The following CCDC201 variants were observed in gnomAD, a reference collection of about 807,000 sequenced individuals.
CCDC201 encodes the protein coiled-coil domain containing 201.
chr7:45,866,590 A>C (rs943645518), intron 1 of CCDC201, 96 bp from the exon 2 acceptor site: 3 of 152,216 alleles, frequency 2.0e-5, no homozygotes, highest in African/African-American at 7.2e-5. Flanking sequence ...TTATTTAAGC[A>C]TGATGGCCCC....
At chr7:45,883,597 G>A in the CCDC201 span, among the ~76,000 whole-genome samples, 5 of 152,290 alleles carry the variant, frequency 3.3e-5, no homozygotes, top group South Asian at 1.0e-3. Flanking sequence ...GCTCCAGGGA[G>A]TCCGAGGGGC....
chr7:45,866,101 C>T (rs1021193765), exon 2 of CCDC201: 1 of 184,864 alleles, frequency 5.4e-6, no homozygotes, highest in Non-Finnish European at 1.1e-5. Context: ...CCAGGCAATC[C>T]AGGGTTTTGT....
At chr7:45,868,340 G>A (rs74516857) in intron 1 of CCDC201, among the ~76,000 whole-genome samples, 8,391 of 152,220 alleles carry the variant, frequency 0.055, 329 homozygotes, top group East Asian at 0.19. Flanking sequence ...CAGCATGGAG[G>A]CTGCAATGTC....
chr7:45,878,498 A>G, the CCDC201 span, among the ~76,000 whole-genome samples: 1 of 152,224 alleles, frequency 6.6e-6, no homozygotes, highest in African/African-American at 2.4e-5. Flanking sequence ...GCCTCTGTGC[A>G]CACACAGGCC....
intron 1 of CCDC201, among the ~76,000 whole-genome samples, chr7:45,869,097 G>C (rs1786713322): frequency 6.6e-6 from 1 of 152,116 alleles, no homozygotes. Flanking sequence ...AACAAAACAT[G>C]CACAATAGAA....
chr7:45,874,041 T>C (rs1256643798), upstream of CCDC201, among the ~76,000 whole-genome samples: 2 of 150,336 alleles, frequency 1.3e-5, no homozygotes, highest in African/African-American at 4.9e-5. Flanking sequence ...TGCTTCTGCC[T>C]CCCAAGTAGC....
At chr7:45,871,169 T>C (rs1786739417) in intron 1 of CCDC201, among the ~76,000 whole-genome samples, 1 of 152,176 alleles carries the variant, frequency 6.6e-6, no homozygotes, top group African/African-American at 2.4e-5. Flanking sequence ...GACCCAGACA[T>C]GCATAGGAGG....
intron 2 of CCDC201, among the ~76,000 whole-genome samples, chr7:45,864,420 C>G (rs921596493): frequency 6.6e-6 from 1 of 152,200 alleles, no homozygotes; most frequent in Non-Finnish European, 1.5e-5. Flanking sequence ...CTCTCCTGGC[C>G]GCAGGTGGGA....
chr7:45,881,589 GA>G, the CCDC201 span, among the ~76,000 whole-genome samples: 1 of 152,288 alleles, frequency 6.6e-6, no homozygotes, highest in South Asian at 2.1e-4. Flanking sequence ...CCCTTTACCA[GA>G]GGTGAGAAAT....
chr7:45,877,979 G>A (rs2116532607), upstream of CCDC201, among the ~76,000 whole-genome samples: 1 of 152,280 alleles, frequency 6.6e-6, no homozygotes, highest in Non-Finnish European at 1.5e-5. Context: ...TACAATGGGG[G>A]TACAGGCATT....
chr7:45,865,089 G>T (rs1786654178), intron 2 of CCDC201, among the ~76,000 whole-genome samples: 1 of 151,966 alleles, frequency 6.6e-6, no homozygotes, highest in South Asian at 2.1e-4. Flanking sequence ...CTGAGAAAGG[G>T]CTCCAAGACT....
At chr7:45,878,981 T>C in the CCDC201 span, among the ~76,000 whole-genome samples, 1 of 152,262 alleles carries the variant, frequency 6.6e-6, no homozygotes, top group Non-Finnish European at 1.5e-5. Flanking sequence ...AGCCAGGTCA[T>C]GTCTTGAATG....
At chr7:45,860,889 G>A (rs559329428) in exon 3 of CCDC201, 1 of 152,362 alleles carries the variant, frequency 6.6e-6, no homozygotes, top group East Asian at 1.9e-4. Context: ...TTTAACTAGA[G>A]TGCCTATGGA....
chr7:45,884,020 TCTC>T, the CCDC201 span, among the ~76,000 whole-genome samples: 15 of 57,568 alleles, frequency 2.6e-4, no homozygotes, highest in East Asian at 9.6e-4. Context: ...TTTCTTTCTC[TCTC>T]TTTCTTCCTT....
At chr7:45,865,600 A>T (rs777577564) in intron 2 of CCDC201, among the ~76,000 whole-genome samples, 4 of 152,156 alleles carry the variant, frequency 2.6e-5, no homozygotes, top group Non-Finnish European at 4.4e-5. Context: ...GACATATCAG[A>T]CCTTCCCTGT....
exon 3 of CCDC201, chr7:45,861,645 C>G (rs1312722155): frequency 1.3e-5 from 2 of 152,210 alleles, no homozygotes; most frequent in Non-Finnish European, 2.9e-5. Flanking sequence ...TTTCACCTGT[C>G]TCTTAAAACT....
chr7:45,884,998 G>A, the CCDC201 span, among the ~76,000 whole-genome samples: 1 of 152,184 alleles, frequency 6.6e-6, no homozygotes, highest in African/African-American at 2.4e-5. Flanking sequence ...GCTTGAGATG[G>A]AGAAGCTGGA....
the CCDC201 span, among the ~76,000 whole-genome samples, chr7:45,882,206 CA>C: frequency 6.6e-6 from 1 of 152,156 alleles, no homozygotes; most frequent in Admixed American, 6.5e-5. Context: ...GGTGAGTAAG[CA>C]GCACACTGCA....
chr7:45,868,509 G>C (rs1786703501), intron 1 of CCDC201, among the ~76,000 whole-genome samples: 1 of 152,140 alleles, frequency 6.6e-6, no homozygotes, highest in South Asian at 2.1e-4. Context: ...TGACATAGAA[G>C]AGATAGTGAA....
Sources: gnomAD v4.1 joint callset for allele counts (sites outside exome capture counted in the v4.1 genomes callset) on GRCh38, gnomAD v4.1.1 for gene constraint, MANE v1.5 for transcripts, NCBI Gene and HGNC (gene_info 2026-07-23, HGNC 2026-07-21) for gene names.